FMN2: variants seen among roughly 807,000 people sequenced by gnomAD.
The protein encoded by FMN2 is formin 2.
Under a neutral mutation model 142.3 loss-of-function variants are expected in FMN2, and 51 were observed. That is an observed-to-expected ratio of 0.36 (90% CI 0.29 to 0.45). The LOEUF (loss-of-function observed/expected upper bound fraction) is 0.45, where lower values mean the gene tolerates loss of function less well. Among genes scored for constraint, FMN2 ranks in the 20% least tolerant of loss-of-function variants. The pLI, the probability that FMN2 is intolerant of heterozygous loss-of-function variation, is 1.00. For missense variants in FMN2, 1,936 were observed against 2,122.8 expected (o/e 0.91, Z 1.73); for synonymous variants, 882 against 869.8 (o/e 1.01, Z -0.25).
intron 2 of FMN2, among the ~76,000 whole-genome samples, chr1:240,158,277 A>G (rs1442259980): frequency 6.6e-6 from 1 of 152,148 alleles, no homozygotes; most frequent in Non-Finnish European, 1.5e-5. Context: ...AGCTTTGTGT[A>G]TTACAGGAAA....
At chr1:240,288,675 G>A (rs1221997756) in intron 7 of FMN2, among the ~76,000 whole-genome samples, 1 of 152,008 alleles carries the variant, frequency 6.6e-6, no homozygotes, top group Non-Finnish European at 1.5e-5. Context: ...GGGGTGATGG[G>A]ATGTCACTTC....
At chr1:240,182,125 A>G (rs946244224) in intron 3 of FMN2, among the ~76,000 whole-genome samples, 1 of 152,230 alleles carries the variant, frequency 6.6e-6, no homozygotes, top group African/African-American at 2.4e-5. Context: ...AGAGTTTTGT[A>G]TGGGCTAAAA....
intron 14 of FMN2, among the ~76,000 whole-genome samples, chr1:240,362,292 G>A (rs777185938): frequency 8.5e-5 from 13 of 152,088 alleles, no homozygotes; most frequent in South Asian, 4.1e-4. Flanking sequence ...TTTTTCTGTC[G>A]CAAAACCAAC....
intron 15 of FMN2, among the ~76,000 whole-genome samples, chr1:240,403,788 G>A (rs1026866910): frequency 2.0e-5 from 3 of 152,034 alleles, no homozygotes; most frequent in African/African-American, 7.2e-5. Flanking sequence ...GATAAAGATT[G>A]GACTGTATAG....
intron 4 of FMN2, among the ~76,000 whole-genome samples, chr1:240,198,175 T>C (rs1440380629): frequency 1.3e-5 from 2 of 152,184 alleles, no homozygotes; most frequent in Non-Finnish European, 2.9e-5. Flanking sequence ...CTTTAAAGTA[T>C]GGTCCAGTAC....
intron 16 of FMN2, among the ~76,000 whole-genome samples, chr1:240,455,061 C>T (rs184114534): frequency 6.6e-6 from 1 of 151,868 alleles, no homozygotes; most frequent in African/African-American, 2.4e-5. Flanking sequence ...AGTCAAATCA[C>T]TCACAGCACA....
rs190830629 is a variant in FMN2, at chr1:240,399,794, G to C, written c.4910+7232G>C. Among the ~76,000 whole-genome samples, 380 of 151,662 alleles carry C rather than the reference G, an allele frequency of 2.5e-3. 3 individuals carry two copies. The highest frequency in any genetic ancestry group is 9.0e-3 in the African/African-American group (374 of 41,336). The stretch of plus-strand genomic sequence containing the variant: ...TTCCACTCTAGCTGATTTTAGGGCA[G>C]AGATTCTACACCAGGAGGGAGAATA... On this transcript the variant is annotated intron_variant, in intron 15 of 17. Transcript: ENST00000319653.
intron 8 of FMN2, among the ~76,000 whole-genome samples, chr1:240,320,371 A>C (rs576437408): frequency 2.6e-5 from 4 of 152,220 alleles, no homozygotes; most frequent in South Asian, 2.1e-4. Context: ...GTATTTGGCC[A>C]TAAGGAAGAA....
intron 15 of FMN2, among the ~76,000 whole-genome samples, chr1:240,412,085 C>G (rs994385179): frequency 2.0e-5 from 3 of 152,042 alleles, no homozygotes; most frequent in African/African-American, 7.2e-5. Flanking sequence ...TGAGTTGCTG[C>G]TAGTGGAAAA....
chr1:240,374,632 A>C (rs1358448718), intron 14 of FMN2, among the ~76,000 whole-genome samples: 1 of 152,194 alleles, frequency 6.6e-6, no homozygotes, highest in Non-Finnish European at 1.5e-5. Context: ...ATACAATTGA[A>C]GAGAACTAGG....
At chr1:240,286,235 T>C (rs916001422) in intron 7 of FMN2, among the ~76,000 whole-genome samples, 2 of 152,164 alleles carry the variant, frequency 1.3e-5, no homozygotes, top group African/African-American at 4.8e-5. Context: ...GAGGCTTTTG[T>C]ATTCAACATG....
intron 13 of FMN2, among the ~76,000 whole-genome samples, chr1:240,341,675 AC>A (rs1351329264): frequency 6.6e-6 from 1 of 151,852 alleles, no homozygotes; most frequent in African/African-American, 2.4e-5. Context: ...CCTTCTTCTG[AC>A]CCCCAAAATC....
At chr1:240,138,406 G>A (rs1663042464) in intron 2 of FMN2, among the ~76,000 whole-genome samples, 1 of 151,978 alleles carries the variant, frequency 6.6e-6, no homozygotes, top group African/African-American at 2.4e-5. Flanking sequence ...TTTTTAAAAA[G>A]TATTACATGT....
At chr1:240,348,593 T>C (rs1671994701) in intron 13 of FMN2, among the ~76,000 whole-genome samples, 1 of 151,990 alleles carries the variant, frequency 6.6e-6, no homozygotes, top group Admixed American at 6.6e-5. Context: ...GAGATCACTT[T>C]TCAAAATGAC....
At chr1:240,425,733 T>C (rs1427725098) in intron 15 of FMN2, among the ~76,000 whole-genome samples, 1 of 152,222 alleles carries the variant, frequency 6.6e-6, no homozygotes, top group Non-Finnish European at 1.5e-5. Flanking sequence ...CATATGGTAA[T>C]GTCTGCCAGC....
At chr1:240,412,931 G>C (rs1558478126) in intron 15 of FMN2, among the ~76,000 whole-genome samples, 1 of 151,600 alleles carries the variant, frequency 6.6e-6, no homozygotes, top group Non-Finnish European at 1.5e-5. Flanking sequence ...GACCATCCTG[G>C]CTAACACGGT....
intron 3 of FMN2, chr1:240,180,056 A>C: frequency 4.3e-6 from 2 of 462,598 alleles, no homozygotes; most frequent in Non-Finnish European, 7.3e-6. Context: ...AATTGATACC[A>C]GGAAGTTTGT....
intron 8 of FMN2, among the ~76,000 whole-genome samples, chr1:240,296,672 G>GTTTGGT (rs1558418601): frequency 6.9e-6 from 1 of 144,030 alleles, no homozygotes; most frequent in African/African-American, 2.6e-5. Context: ...CTTGAGTTTG[G>GTTTGGT]TTTTTTTTTT....
chr1:240,259,775 T>G (rs1253039640), intron 7 of FMN2, among the ~76,000 whole-genome samples: 2 of 152,154 alleles, frequency 1.3e-5, no homozygotes, highest in Non-Finnish European at 2.9e-5. Context: ...TTTCCATAGG[T>G]TTTTGGGGAA....
Sources: gnomAD v4.1 joint callset for allele counts (sites outside exome capture counted in the v4.1 genomes callset) on GRCh38, gnomAD v4.1.1 for gene constraint, MANE v1.5 for transcripts, NCBI Gene and HGNC (gene_info 2026-07-23, HGNC 2026-07-21) for gene names.